The following TLN2 variants were observed in gnomAD, a reference collection of about 807,000 sequenced individuals.
The protein encoded by TLN2 is talin-2.
TLN2 carries 118 observed loss-of-function variants against 294.7 expected under a neutral mutation model. The observed-to-expected ratio is 0.40, with a 90% CI of 0.34 to 0.47. The LOEUF is 0.47. TLN2 is among the 20% of genes least tolerant of loss of function. The pLI, the probability that TLN2 is intolerant of heterozygous loss-of-function variation, is 0.84. For missense variants in TLN2, 3,083 were observed against 3,282.2 expected (o/e 0.94, Z 1.48); for synonymous variants, 1,431 against 1,304.5 (o/e 1.10, Z -2.09).
intron 32 of TLN2, among the ~76,000 whole-genome samples, chr15:62,741,200 T>C (rs2061304531): frequency 6.6e-6 from 1 of 152,246 alleles, no homozygotes; most frequent in Non-Finnish European, 1.5e-5. Context: ...CACTTAACCC[T>C]GTGCCTGGCA....
intron 1 of TLN2, among the ~76,000 whole-genome samples, chr15:62,458,309 C>T (rs2036597377): frequency 1.3e-5 from 2 of 152,268 alleles, no homozygotes; most frequent in African/African-American, 2.4e-5. Context: ...CGCCGCCTCT[C>T]CCTGATTCCT....
chr15:62,792,875 A>T, intron 46 of TLN2, 88 bp downstream of exon 46: 1 of 1,549,812 alleles, frequency 6.5e-7, no homozygotes, highest in South Asian at 1.2e-5. Context: ...CAGGAAACTC[A>T]GCCAAAACTA....
chr15:62,835,464 C>A (rs745622924), intron 55 of TLN2: 6 of 532,930 alleles, frequency 1.1e-5, no homozygotes, highest in African/African-American at 1.9e-5. Flanking sequence ...TGAGCCGTTT[C>A]CCAGAATTGC....
chr15:62,693,606 T>TG (rs2058091936), intron 13 of TLN2, among the ~76,000 whole-genome samples: 1 of 1,428 alleles, frequency 7.0e-4, no homozygotes, highest in African/African-American at 7.7e-4. Context: ...AGTTTTCATG[T>TG]TTTTTTTTTA....
chr15:62,709,632 A>G (rs899563406), intron 21 of TLN2, among the ~76,000 whole-genome samples: 8 of 152,206 alleles, frequency 5.3e-5, no homozygotes, highest in African/African-American at 1.9e-4. Context: ...ATCTATTGAA[A>G]AGTAAGTCTC....
chr15:62,660,651 G>A (rs1221856357), intron 9 of TLN2, among the ~76,000 whole-genome samples: 2 of 152,186 alleles, frequency 1.3e-5, no homozygotes, highest in Non-Finnish European at 2.9e-5. Flanking sequence ...CAGAAAATAT[G>A]CCATGTGATG....
intron 1 of TLN2, among the ~76,000 whole-genome samples, chr15:62,509,279 G>C (rs994541078): frequency 8.7e-6 from 1 of 114,616 alleles, no homozygotes; most frequent in African/African-American, 4.7e-5. Context: ...TCTTGTGTTT[G>C]TTTTGTTTTT....
intron 1 of TLN2, among the ~76,000 whole-genome samples, chr15:62,524,190 G>T (rs1467139682): frequency 2.6e-5 from 4 of 152,160 alleles, no homozygotes; most frequent in African/African-American, 9.7e-5. Context: ...CAGCATTCCT[G>T]TGCCCTGATA....
At chr15:62,834,915 C>G (rs936936270) in intron 55 of TLN2, 1 of 152,190 alleles carries the variant, frequency 6.6e-6, no homozygotes, top group Non-Finnish European at 1.5e-5. Flanking sequence ...AACGAACTTA[C>G]GTGTTCAAGC....
chr15:62,746,309 C>G (rs1005395248), intron 32 of TLN2, among the ~76,000 whole-genome samples: 8 of 152,076 alleles, frequency 5.3e-5, no homozygotes, highest in African/African-American at 1.7e-4. Context: ...GGGTGCTGGA[C>G]TCCCCAGGAG....
intron 20 of TLN2, 63 bp downstream of exon 20, chr15:62,707,316 C>A: frequency 6.6e-7 from 1 of 1,506,172 alleles, no homozygotes; most frequent in Non-Finnish European, 8.9e-7. Context: ...TGCCTCCAGG[C>A]ATTTGGTGTG....
chr15:62,677,276 A>G (rs571539972), intron 11 of TLN2, among the ~76,000 whole-genome samples: 2 of 152,096 alleles, frequency 1.3e-5, no homozygotes, highest in African/African-American at 2.4e-5. Flanking sequence ...ATCAATTTCC[A>G]TTTATTTTCT....
chr15:62,700,794 C>A (rs979934694), intron 16 of TLN2, among the ~76,000 whole-genome samples: 1 of 152,126 alleles, frequency 6.6e-6, no homozygotes, highest in Non-Finnish European at 1.5e-5. Flanking sequence ...ATTTTTCTCT[C>A]CTCATTCTTT....
At chr15:62,559,617 C>T (rs988607033) in intron 1 of TLN2, among the ~76,000 whole-genome samples, 1 of 152,178 alleles carries the variant, frequency 6.6e-6, no homozygotes, top group African/African-American at 2.4e-5. Context: ...AGCACTGTTG[C>T]CATAGCACCT....
intron 1 of TLN2, among the ~76,000 whole-genome samples, chr15:62,545,858 T>C (rs1297888545): frequency 1.3e-5 from 2 of 152,114 alleles, no homozygotes; most frequent in African/African-American, 4.8e-5. Context: ...TTGGGGGTGT[T>C]TGTATCCCAG....
intron 9 of TLN2, among the ~76,000 whole-genome samples, chr15:62,668,223 AAG>A (rs2054958031): frequency 1.3e-5 from 2 of 152,254 alleles, no homozygotes; most frequent in Non-Finnish European, 1.5e-5. Context: ...GAAATTTACA[AAG>A]AGTAAATTTT....
intron 5 of TLN2, 42 bp downstream of exon 5, chr15:62,650,223 C>T (rs1223075655): frequency 6.3e-7 from 1 of 1,598,812 alleles, no homozygotes; most frequent in Admixed American, 1.7e-5. Context: ...TCCCTTTGTC[C>T]CTGGGCCTTC....
At chr15:62,825,860 AT>A (rs2068134933) in intron 54 of TLN2, among the ~76,000 whole-genome samples, 6 of 91,388 alleles carry the variant, frequency 6.6e-5, no homozygotes, top group African/African-American at 2.6e-4. Flanking sequence ...TATTATATAT[AT>A]ATATATTTAT....
chr15:62,802,577 T>A (rs774295215), intron 50 of TLN2, among the ~76,000 whole-genome samples: 9 of 152,242 alleles, frequency 5.9e-5, no homozygotes, highest in Non-Finnish European at 1.0e-4. Context: ...TATCCTTTCT[T>A]TTGGGTGTAT....
Sources: gnomAD v4.1 joint callset for allele counts (sites outside exome capture counted in the v4.1 genomes callset) on GRCh38, gnomAD v4.1.1 for gene constraint, MANE v1.5 for transcripts, NCBI Gene and HGNC (gene_info 2026-07-23, HGNC 2026-07-21) for gene names.